HRH1: variants seen among roughly 807,000 people sequenced by gnomAD.
The protein encoded by HRH1 is histamine receptor H1.
A neutral mutation model predicts 10.3 loss-of-function variants in HRH1; 6 were observed. The observed-to-expected ratio is 0.58, with a 90% CI of 0.32 to 1.15. The LOEUF (loss-of-function observed/expected upper bound fraction) is 1.15, where lower values mean the gene tolerates loss of function less well. Ranked by LOEUF, HRH1 falls within the 50% of genes most tolerant of loss-of-function variation. HRH1 has a pLI of 0.05. For missense variants in HRH1, 514 were observed against 615.3 expected (o/e 0.84, Z 1.74); for synonymous variants, 242 against 236.7 (o/e 1.02, Z -0.21).
At chr3:11,246,646 CT>C (rs1396775940) in intron 1 of HRH1, among the ~76,000 whole-genome samples, 1 of 152,208 alleles carries the variant, frequency 6.6e-6, no homozygotes, top group Non-Finnish European at 1.5e-5. Context: ...GATTTCACCC[CT>C]AAATGTTTAA....
upstream of HRH1, among the ~76,000 whole-genome samples, chr3:11,154,302 C>A (rs1364775772): frequency 1.3e-5 from 2 of 151,868 alleles, no homozygotes; most frequent in Non-Finnish European, 2.9e-5. This position sits in a 1 kb window ranked among gnomAD's most constrained non-coding sequence, Gnocchi z 4.4. Context: ...GAGCGAGAGG[C>A]GCGCCCCTCG....
At chr3:11,168,326 A>G (rs1427252675) in intron 1 of HRH1, among the ~76,000 whole-genome samples, 1 of 152,094 alleles carries the variant, frequency 6.6e-6, no homozygotes, top group Non-Finnish European at 1.5e-5. Context: ...TCTTGTTCAG[A>G]AGACACTGAG....
intron 1 of HRH1, among the ~76,000 whole-genome samples, chr3:11,231,481 C>A (rs1418891750): frequency 6.6e-6 from 1 of 152,198 alleles, no homozygotes; most frequent in Non-Finnish European, 1.5e-5. Context: ...AGTTTCTCTG[C>A]AGTCTTCATC....
chr3:11,227,420 G>A (rs1003861696), intron 1 of HRH1, among the ~76,000 whole-genome samples: 12 of 151,834 alleles, frequency 7.9e-5, no homozygotes, highest in Non-Finnish European at 1.8e-4. Flanking sequence ...CCAAGTAACT[G>A]AGATTACAGG....
intron 1 of HRH1, among the ~76,000 whole-genome samples, chr3:11,192,888 A>C (rs924345792): frequency 2.6e-5 from 4 of 152,058 alleles, no homozygotes; most frequent in Non-Finnish European, 5.9e-5. Flanking sequence ...TCTTGGGTTC[A>C]TCTCTCCCAG....
rs74800849 is a variant in HRH1 at position 11,184,300 on chromosome 3, C to T, written c.-36+29746C>T. ...ATGAGGCAGATGCTATTATTATCCCCGTTTTACAGATGAAGAAATAGAGAC... is the reference window on the plus strand; with the variant it reads ...ATGAGGCAGATGCTATTATTATCCCTGTTTTACAGATGAAGAAATAGAGAC... On this transcript the variant is annotated intron_variant, in intron 1 of 1. Coordinates refer to ENST00000431010, the MANE Select transcript of HRH1 (RefSeq NM_001098212.2). 1.3e-4 allele frequency among the ~76,000 whole-genome samples: 20 copies of T among 152,238 alleles called. No homozygotes were observed. The East Asian group carries it at 3.1e-3, about 23-fold the overall frequency.
chr3:11,139,352 T>G (rs1936248579), intron 1 of HRH1, among the ~76,000 whole-genome samples: 5 of 151,704 alleles, frequency 3.3e-5, no homozygotes, highest in Non-Finnish European at 4.4e-5. Context: ...CAATCTCGGC[T>G]CACTGCGACC....
intron 1 of HRH1, among the ~76,000 whole-genome samples, chr3:11,160,846 CA>C (rs1034225393): frequency 6.6e-6 from 1 of 152,038 alleles, no homozygotes; most frequent in Non-Finnish European, 1.5e-5. Flanking sequence ...AGGGCCATGG[CA>C]AAAAACAGAG....
intron 1 of HRH1, among the ~76,000 whole-genome samples, chr3:11,197,060 G>A (rs1937686627): frequency 6.7e-6 from 1 of 150,090 alleles, no homozygotes; most frequent in Non-Finnish European, 1.5e-5. Flanking sequence ...AGGAGGCGGA[G>A]CTTGTAGTGA....
chr3:11,145,097 C>T (rs945763562), intron 1 of HRH1, among the ~76,000 whole-genome samples: 1 of 152,122 alleles, frequency 6.6e-6, no homozygotes, highest in Non-Finnish European at 1.5e-5. Context: ...CCCCATACCC[C>T]ATCTGTGGAT....
intron 1 of HRH1, among the ~76,000 whole-genome samples, chr3:11,155,138 C>A (rs979731001): frequency 2.0e-5 from 3 of 152,092 alleles, no homozygotes; most frequent in African/African-American, 7.2e-5. Flanking sequence ...TGAGGTAAGC[C>A]CCAGGCTCAG....
At chr3:11,211,219 C>T (rs1008170421) in intron 1 of HRH1, among the ~76,000 whole-genome samples, 13 of 152,106 alleles carry the variant, frequency 8.5e-5, no homozygotes, top group Non-Finnish European at 1.2e-4. Flanking sequence ...GGCATCTGAG[C>T]AGAGATCTCA....
At chr3:11,221,035 C>T (rs140935257) in intron 1 of HRH1, among the ~76,000 whole-genome samples, 3 of 152,060 alleles carry the variant, frequency 2.0e-5, no homozygotes, top group Non-Finnish European at 2.9e-5. Context: ...AGTATCTGGG[C>T]GTGGGAATAT....
At chr3:11,155,356 A>G (rs1208129078) in intron 1 of HRH1, among the ~76,000 whole-genome samples, 4 of 152,134 alleles carry the variant, frequency 2.6e-5, no homozygotes, top group Non-Finnish European at 5.9e-5. Context: ...TCTTTCAGAG[A>G]TCAGATTCTA....
intron 1 of HRH1, among the ~76,000 whole-genome samples, chr3:11,234,808 C>A (rs998826108): frequency 1.3e-5 from 2 of 152,206 alleles, no homozygotes; most frequent in East Asian, 1.9e-4. Flanking sequence ...TATTTCCATT[C>A]TAAATTTCCA....
chr3:11,144,664 A>G (rs1279054076), intron 1 of HRH1, among the ~76,000 whole-genome samples: 4 of 151,854 alleles, frequency 2.6e-5, no homozygotes, highest in Non-Finnish European at 5.9e-5. Flanking sequence ...AACAGGGAGG[A>G]GCAGGTCTTC....
At chr3:11,170,953 CTA>C (rs1381766824) in intron 1 of HRH1, among the ~76,000 whole-genome samples, 1 of 152,054 alleles carries the variant, frequency 6.6e-6, no homozygotes, top group East Asian at 1.9e-4. Context: ...GACGAACAAA[CTA>C]GAGAGATAAG....
chr3:11,205,666 C>CTG (rs1553574299), intron 1 of HRH1, among the ~76,000 whole-genome samples: 2 of 141,420 alleles, frequency 1.4e-5, no homozygotes, highest in Non-Finnish European at 3.1e-5. Context: ...CACAGGTTTT[C>CTG]TTTTTTTTTT....
At chr3:11,256,343 G>T (rs1037958999) in intron 1 of HRH1, among the ~76,000 whole-genome samples, 1 of 152,140 alleles carries the variant, frequency 6.6e-6, no homozygotes, top group Non-Finnish European at 1.5e-5. Flanking sequence ...TGACACATGA[G>T]AAGATGGAGG....
Sources: allele counts gnomAD v4.1 joint callset (sites outside exome capture counted in the v4.1 genomes callset), GRCh38; gene constraint gnomAD v4.1.1; non-coding constraint Gnocchi (gnomAD v3.1); transcripts MANE v1.5; gene names NCBI Gene and HGNC (gene_info 2026-07-23, HGNC 2026-07-21).